The following RFX3 variants were observed in gnomAD, a reference collection of about 807,000 sequenced individuals.
RFX3 encodes the protein transcription factor RFX3.
RFX3 carries 14 observed loss-of-function variants against 98.6 expected under a neutral mutation model. The ratio of observed to expected loss-of-function variants is 0.14; its 90% CI spans 0.09 to 0.22. The LOEUF (loss-of-function observed/expected upper bound fraction) is 0.22. Among genes scored for constraint, RFX3 ranks in the 10% least tolerant of loss-of-function variants. The pLI is 1.00. For synonymous variants in RFX3, 383 were observed against 328.4 expected (o/e 1.17, Z -1.80); for missense variants, 639 against 926.9 (o/e 0.69, Z 4.03).
chr9:3,219,520 A>G lies in RFX3; in HGVS notation c.*5522T>C, dbSNP rs1261864737. 1 of 152,090 alleles carries G rather than the reference A, an allele frequency of 6.6e-6. No homozygotes were observed. The highest frequency in any genetic ancestry group is 1.5e-5 in the Non-Finnish European group (1 of 68,010). 9.4% of individuals were successfully genotyped at this position (152,090 alleles called of 1,614,324 possible). On this transcript the variant is annotated 3_prime_UTR_variant, in exon 17 of 17. Coordinates refer to ENST00000617270, the MANE Select transcript of RFX3 (RefSeq NM_001282116.2). ...AGAACCAAATAAAAGAAGAGACAAA[A>G]CACATTTTTCTTTTTAAAAAAACAT...
At chr9:3,383,384 G>C (rs757559805) in intron 2 of RFX3, among the ~76,000 whole-genome samples, 3 of 152,044 alleles carry the variant, frequency 2.0e-5, no homozygotes, top group Non-Finnish European at 4.4e-5. Context: ...TTGACATAAA[G>C]TAAATTATGT....
intron 1 of RFX3, among the ~76,000 whole-genome samples, chr9:3,504,420 C>T (rs1030439420): frequency 3.8e-5 from 5 of 130,234 alleles, no homozygotes; most frequent in African/African-American, 1.2e-4. Flanking sequence ...ATATTATATA[C>T]CACATAGTAT....
At chr9:3,247,327 T>TC in intron 15 of RFX3, 2 of 987,028 alleles carry the variant, frequency 2.0e-6, no homozygotes, top group Non-Finnish European at 2.4e-6. Flanking sequence ...AAGAGAATTT[T>TC]CCCCCTTACA....
Position 3,223,681 on chromosome 9 carries a change from C to G in RFX3, c.*1361G>C, listed in dbSNP as rs1198614770. 6 of 152,184 alleles carry G rather than the reference C, an allele frequency of 3.9e-5. No individual in the cohort carries two copies. The highest frequency in any genetic ancestry group is 8.8e-5 in the Non-Finnish European group (6 of 68,026). The allele number at this position is 152,184 out of a possible 1,614,324, so 9.4% of individuals were successfully genotyped here. A position where few individuals can be genotyped will look rare whatever the true frequency, so the allele number is the denominator to read the frequency against. On this transcript the variant is annotated 3_prime_UTR_variant, in exon 17 of 17. Transcript: ENST00000617270. ...GTTTTCCTTTGTTTTCCCTAAATTT[C>G]CTTTGAAGAACATGTCACCTGTCCT...
At chr9:3,504,927 T>TAA (rs1564185780) in intron 1 of RFX3, among the ~76,000 whole-genome samples, 1 of 73,582 alleles carries the variant, frequency 1.4e-5, no homozygotes, top group Non-Finnish European at 2.2e-5. Flanking sequence ...ATAACATATA[T>TAA]TATATATAAT....
intron 1 of RFX3, among the ~76,000 whole-genome samples, chr9:3,482,230 T>C (rs1849830402): frequency 7.0e-6 from 1 of 143,048 alleles, no homozygotes. Flanking sequence ...AGTGTGAAAG[T>C]AAAAAAAAAA....
At chr9:3,436,347 C>A (rs1046326411) in intron 1 of RFX3, among the ~76,000 whole-genome samples, 3 of 151,854 alleles carry the variant, frequency 2.0e-5, no homozygotes, top group Non-Finnish European at 4.4e-5. Flanking sequence ...CATACAGAAG[C>A]AAGAATATAG....
At chr9:3,505,450 TA>T (rs33926207) in intron 1 of RFX3, among the ~76,000 whole-genome samples, 191 of 930 alleles carry the variant, frequency 0.21, 11 homozygotes, top group South Asian at 0.43. Flanking sequence ...TATATTTATA[TA>T]AAATATAAAA....
chr9:3,394,318 C>G (rs996570022), intron 2 of RFX3, among the ~76,000 whole-genome samples: 14 of 152,018 alleles, frequency 9.2e-5, no homozygotes, highest in African/African-American at 3.4e-4. Flanking sequence ...AAAAAATTAG[C>G]CAGGCGTGGT....
At chr9:3,343,465 T>C (rs541837721) in intron 3 of RFX3, among the ~76,000 whole-genome samples, 1 of 152,234 alleles carries the variant, frequency 6.6e-6, no homozygotes, top group South Asian at 2.1e-4. Context: ...CATGGAAGTG[T>C]GCCAAATAAA....
intron 15 of RFX3, among the ~76,000 whole-genome samples, chr9:3,241,742 G>C (rs1458893044): frequency 6.6e-6 from 1 of 152,152 alleles, no homozygotes; most frequent in South Asian, 2.1e-4. Flanking sequence ...TCTCAGGATG[G>C]GTGTACAGGA....
intron 1 of RFX3, among the ~76,000 whole-genome samples, chr9:3,441,960 G>C (rs563603088): frequency 6.6e-6 from 1 of 152,288 alleles, no homozygotes; most frequent in East Asian, 1.9e-4. Context: ...AGCACTTTGG[G>C]TGGTCCAGGC....
intron 5 of RFX3, among the ~76,000 whole-genome samples, chr9:3,298,098 A>G (rs1563883008): frequency 6.6e-6 from 1 of 151,842 alleles, no homozygotes; most frequent in Non-Finnish European, 1.5e-5. Context: ...AAACAAAAAT[A>G]TTTAAATAAA....
rs114856183 is a variant in RFX3, at chr9:3,377,626, T to C, written c.117+17846A>G. 4.2e-3 allele frequency among the ~76,000 whole-genome samples: 638 copies of C among 152,302 alleles called. 6 individuals are homozygous for C. Among genetic ancestry groups the C allele is most frequent in the African/African-American group, 0.014 (591 of 41,574 alleles). On this transcript the variant is annotated intron_variant, in intron 2 of 16. Coordinates refer to ENST00000617270, the MANE Select transcript of RFX3 (RefSeq NM_001282116.2). ...ATATATGTTGTATGACATCATTTAT[T>C]GGAAATTCAAATAAAAGTCGTGGAA... is the stretch of plus-strand genomic sequence containing the variant.
chr9:3,361,529 A>G (rs1331875133), intron 2 of RFX3, among the ~76,000 whole-genome samples: 1 of 152,052 alleles, frequency 6.6e-6, no homozygotes, highest in East Asian at 1.9e-4. Context: ...CACCAGGCAC[A>G]ATGGCTCATT....
intron 1 of RFX3, among the ~76,000 whole-genome samples, chr9:3,477,101 G>C (rs1849337599): frequency 1.3e-5 from 2 of 151,820 alleles, no homozygotes; most frequent in African/African-American, 2.4e-5. Flanking sequence ...TGTTTTACCT[G>C]AAACCAAAAT....
intron 8 of RFX3, among the ~76,000 whole-genome samples, chr9:3,277,109 T>C (rs1424200395): frequency 6.6e-6 from 1 of 152,042 alleles, no homozygotes; most frequent in Non-Finnish European, 1.5e-5. Context: ...GCAATGAGTC[T>C]TTAATTCATA....
In RFX3 at chr9:3,275,487, T is replaced by C. The variant is rs943842133; in HGVS notation, c.1086+13A>G. The stretch of plus-strand genomic sequence containing the variant: ...ACCTAGCATGTGTTCATACTACATT[T>C]GAAAAGACTTACCTCACAGTGCTCT... On this transcript the variant is annotated intron_variant, in intron 9 of 16. Coordinates refer to ENST00000617270, the MANE Select transcript of RFX3 (RefSeq NM_001282116.2). 3 of 1,464,938 alleles carry C rather than the reference T, an allele frequency of 2.0e-6. No homozygotes were observed. The highest frequency in any genetic ancestry group is 1.4e-5 in the African/African-American group (1 of 71,910). The allele number at this position is 1,464,938 out of a possible 1,614,324, so 90.7% of individuals were successfully genotyped here. A position where few individuals can be genotyped will look rare whatever the true frequency, so the allele number is the denominator to read the frequency against.
At chr9:3,432,706 A>C (rs953647498) in intron 1 of RFX3, among the ~76,000 whole-genome samples, 1 of 152,202 alleles carries the variant, frequency 6.6e-6, no homozygotes, top group Non-Finnish European at 1.5e-5. Context: ...ATCCAAACCA[A>C]TGCCAGATTA....
Sources: allele counts gnomAD v4.1 joint callset (sites outside exome capture counted in the v4.1 genomes callset), GRCh38; gene constraint gnomAD v4.1.1; transcripts MANE v1.5; gene names NCBI Gene and HGNC (gene_info 2026-07-23, HGNC 2026-07-21).